The following MAP3K3 variants were observed in gnomAD, a reference collection of about 807,000 sequenced individuals.
MAP3K3 encodes the protein MAP/ERK kinase kinase 3.
Under a neutral mutation model 80.9 loss-of-function variants are expected in MAP3K3, and 12 were observed. The observed-to-expected ratio is 0.15, with a 90% CI of 0.10 to 0.24. The LOEUF (loss-of-function observed/expected upper bound fraction) is 0.24. Among genes scored for constraint, MAP3K3 ranks in the 10% least tolerant of loss-of-function variants. The pLI, the probability that MAP3K3 is intolerant of heterozygous loss-of-function variation, is 1.00. For missense variants in MAP3K3, 596 were observed against 834.7 expected (o/e 0.71, Z 3.52); for synonymous variants, 272 against 307.1 (o/e 0.89, Z 1.19).
intron 2 of MAP3K3, among the ~76,000 whole-genome samples, chr17:63,642,686 T>C (rs565334599): frequency 6.6e-6 from 1 of 152,152 alleles, no homozygotes; most frequent in African/African-American, 2.4e-5. Context: ...TAAAATGTTG[T>C]CCCAGTTTAA....
At chr17:63,658,992 T>A (rs1754250850) in intron 5 of MAP3K3, among the ~76,000 whole-genome samples, 1 of 152,192 alleles carries the variant, frequency 6.6e-6, no homozygotes, top group African/African-American at 2.4e-5. Flanking sequence ...CGCCTCGGAC[T>A]CCCAAAGTGT....
chr17:63,691,515 A>G lies in MAP3K3; in HGVS notation c.1345-218A>G, dbSNP rs1245469627. On this transcript the variant is annotated intron_variant, in intron 13 of 15. Transcript: ENST00000361733. The surrounding 1 kb of genome is among the most constrained non-coding windows in gnomAD (Gnocchi z 4.8). ...AATGCAGCCTTCATCTGGAGCAGAGAGGCCTCCCTGCTCCTGGATTTGGGT... is the reference window on the plus strand; with the variant it reads ...AATGCAGCCTTCATCTGGAGCAGAGGGGCCTCCCTGCTCCTGGATTTGGGT... 6.6e-6 allele frequency among the ~76,000 whole-genome samples: 1 copy of G among 152,122 alleles called. No individual in the cohort carries two copies. The highest frequency in any genetic ancestry group is 1.5e-5 in the Non-Finnish European group (1 of 68,020).
At chr17:63,663,378 C>A (rs887831352) in intron 5 of MAP3K3, among the ~76,000 whole-genome samples, 1 of 151,846 alleles carries the variant, frequency 6.6e-6, no homozygotes, top group Non-Finnish European at 1.5e-5. Flanking sequence ...GGCGCATGCC[C>A]GCAATCCCAG....
At chr17:63,644,889 ATC>A (rs2034511541) in intron 2 of MAP3K3, among the ~76,000 whole-genome samples, 1 of 151,886 alleles carries the variant, frequency 6.6e-6, no homozygotes, top group South Asian at 2.1e-4. Context: ...TCTCTCCTTT[ATC>A]TCTATTATTT....
intron 3 of MAP3K3, among the ~76,000 whole-genome samples, chr17:63,650,771 A>G (rs925509278): frequency 6.6e-6 from 1 of 150,510 alleles, no homozygotes; most frequent in African/African-American, 2.5e-5. Context: ...AGCTCACTAC[A>G]GCCCTGATCT....
At chr17:63,656,805 G>A (rs1186430472) in intron 4 of MAP3K3, among the ~76,000 whole-genome samples, 3 of 152,032 alleles carry the variant, frequency 2.0e-5, no homozygotes, top group African/African-American at 7.3e-5. Flanking sequence ...CTGTTCTCAC[G>A]CTGCTGTAAA....
chr17:63,634,947 T>C, intron 2 of MAP3K3: 1 of 706,094 alleles, frequency 1.4e-6, no homozygotes, highest in Admixed American at 2.7e-5. Flanking sequence ...TCAGTGCTTC[T>C]AGTCACCATT....
At chr17:63,657,671 T>G (rs1386656772) in intron 4 of MAP3K3, 123 bp from the exon 5 acceptor site, 8 of 508,872 alleles carry the variant, frequency 1.6e-5, no homozygotes, top group African/African-American at 3.9e-5. Context: ...CCCCATAGTA[T>G]CCAGTGAGAT....
chr17:63,678,982 T>C (rs1360678292), intron 6 of MAP3K3, among the ~76,000 whole-genome samples: 1 of 152,108 alleles, frequency 6.6e-6, no homozygotes, highest in Non-Finnish European at 1.5e-5. Context: ...TGAGCCAAGA[T>C]TGTACCACTG....
chr17:63,669,202 C>A (rs2035055388), intron 6 of MAP3K3, among the ~76,000 whole-genome samples: 1 of 152,088 alleles, frequency 6.6e-6, no homozygotes, highest in South Asian at 2.1e-4. Context: ...GGGAGCTGTT[C>A]CAGCTGGACC....
rs1280029777 is a variant in MAP3K3 at position 63,651,834 on chromosome 17, A to G, written c.168-723A>G. 2.6e-5 allele frequency among the ~76,000 whole-genome samples: 4 copies of G among 152,190 alleles called. No individual in the cohort carries two copies. The East Asian group carries it at 7.7e-4, about 29-fold the overall frequency. On this transcript the variant is annotated intron_variant, in intron 3 of 15. Coordinates refer to ENST00000361733, the MANE Select transcript of MAP3K3 (RefSeq NM_002401.5). ...AGGCATATCACTAACTCAAGGGGGAATTCCTGTGACTCTGTAGTAGAAAAT... is the reference window on the plus strand; with the variant it reads ...AGGCATATCACTAACTCAAGGGGGAGTTCCTGTGACTCTGTAGTAGAAAAT...
chr17:63,690,929 G>A (rs1156673161), intron 12 of MAP3K3, 173 bp from the exon 13 acceptor site: 8 of 734,534 alleles, frequency 1.1e-5, no homozygotes, highest in Non-Finnish European at 1.5e-5. Flanking sequence ...CCATCCCAAG[G>A]CCTGCCCAGC....
chr17:63,689,308 T>C lies in MAP3K3; in HGVS notation c.872-236T>C, dbSNP rs2035531205. The C allele has an allele frequency of 1.9e-5, 11 of 564,746 alleles. No individual in the cohort carries two copies. The highest frequency in any genetic ancestry group is 3.5e-5 in the Non-Finnish European group (11 of 317,406). 35.0% of individuals were successfully genotyped at this position (564,746 alleles called of 1,614,324 possible). On this transcript the variant is annotated intron_variant, in intron 10 of 15. Transcript: ENST00000361733. This position sits in a 1 kb window ranked among gnomAD's most constrained non-coding sequence, Gnocchi z 4.3. ...CCAGATCTCCCTGAACCAGACTACT[T>C]CCTAATTTCTGCTTTTGTCCTGATT... is the stretch of plus-strand genomic sequence containing the variant.
chr17:63,643,341 A>G (rs1302561956), intron 2 of MAP3K3, among the ~76,000 whole-genome samples: 2 of 152,006 alleles, frequency 1.3e-5, no homozygotes, highest in Non-Finnish European at 2.9e-5. Flanking sequence ...CCATCTCTAC[A>G]AAAAGTTACA....
At chr17:63,680,258 G>A (rs933008407) in intron 6 of MAP3K3, among the ~76,000 whole-genome samples, 8 of 152,118 alleles carry the variant, frequency 5.3e-5, no homozygotes, top group African/African-American at 1.9e-4. Context: ...TCTGGGAATT[G>A]CTGGGTCGTG....
chr17:63,634,632 T>G, intron 2 of MAP3K3: 1 of 1,194,364 alleles, frequency 8.4e-7, no homozygotes. Context: ...TTTGGATCCA[T>G]GATTTACTTC....
chr17:63,683,171 T>C (rs2143569479), intron 7 of MAP3K3, among the ~76,000 whole-genome samples: 1 of 152,322 alleles, frequency 6.6e-6, no homozygotes, highest in East Asian at 1.9e-4. Flanking sequence ...ACATGGGAGA[T>C]CTTATAAAAA....
chr17:63,680,219 TGAG>T (rs1173965984), intron 6 of MAP3K3, among the ~76,000 whole-genome samples: 2 of 152,150 alleles, frequency 1.3e-5, no homozygotes, highest in African/African-American at 2.4e-5. Context: ...CCTGCATTGT[TGAG>T]GGATGGTACT....
intron 6 of MAP3K3, among the ~76,000 whole-genome samples, chr17:63,680,357 A>C (rs2035304277): frequency 1.3e-5 from 2 of 152,230 alleles, no homozygotes; most frequent in Non-Finnish European, 2.9e-5. Flanking sequence ...TTCCCTTCAG[A>C]ACAGGAAAAG....
Sources: allele counts gnomAD v4.1 joint callset (sites outside exome capture counted in the v4.1 genomes callset), GRCh38; gene constraint gnomAD v4.1.1; non-coding constraint Gnocchi (gnomAD v3.1); transcripts MANE v1.5; gene names NCBI Gene and HGNC (gene_info 2026-07-23, HGNC 2026-07-21).